Variants in COLEC10 observed in about 807,000 individuals in gnomAD.
The protein encoded by COLEC10 is collectin subfamily member 10.
A neutral mutation model predicts 28.4 loss-of-function variants in COLEC10; 22 were observed. The observed-to-expected ratio is 0.78, with a 90% CI of 0.55 to 1.11. COLEC10 has a LOEUF of 1.11. Among genes scored for constraint, COLEC10 ranks in the 50% least tolerant of loss-of-function variants. The pLI, the probability that COLEC10 is intolerant of heterozygous loss-of-function variation, is 0.00. For synonymous variants in COLEC10, 125 were observed against 116.1 expected, an observed-to-expected ratio of 1.08 and a Z score of -0.49; for missense variants, 361 against 344.1, an observed-to-expected ratio of 1.05 and a Z score of -0.39.
rs561786034 is a variant in COLEC10, at chr8:119,007,557, A to T, written n.123-1884A>T. ...TGGAAATGAGCTGCTTTTGGAAGTG[A>T]TGAATGATTTACAACTTGGGAGCCC... On this transcript the variant is annotated intron_variant and non_coding_transcript_variant, in intron 1 of 6. Coordinates refer to the COLEC10 transcript ENST00000521788. 5.9e-5 allele frequency among the ~76,000 whole-genome samples: 9 copies of T among 151,308 alleles called. No individual in the cohort carries two copies. In the South Asian group the frequency reaches 1.9e-3, roughly 31 times the overall value.
chr8:119,030,744 G>A (rs1204399300), intron 2 of COLEC10, among the ~76,000 whole-genome samples: 1 of 152,302 alleles, frequency 6.6e-6, no homozygotes, highest in Non-Finnish European at 1.5e-5. Flanking sequence ...TTAAGAAAAT[G>A]TGGTTCCATC....
intron 1 of COLEC10, among the ~76,000 whole-genome samples, chr8:119,075,931 C>T (rs1309153090): frequency 1.5e-5 from 2 of 134,516 alleles, no homozygotes; most frequent in African/African-American, 2.9e-5. Context: ...GACAGAGTCT[C>T]GCTCTGTCAC....
At chr8:119,063,246 G>A (rs755189742), upstream of COLEC10, 1 of 152,192 alleles carries the variant, frequency 6.6e-6, no homozygotes, top group Non-Finnish European at 1.5e-5. Flanking sequence ...AGTTACTGTG[G>A]ATGAAGAGCA....
At chr8:118,952,695 C>T in the COLEC10 span, among the ~76,000 whole-genome samples, 1 of 152,224 alleles carries the variant, frequency 6.6e-6, no homozygotes, top group African/African-American at 2.4e-5. Flanking sequence ...CCAACCCCAC[C>T]ATCATCAAAG....
chr8:119,018,647 G>A (rs1814035617), intron 2 of COLEC10, among the ~76,000 whole-genome samples: 1 of 152,162 alleles, frequency 6.6e-6, no homozygotes, highest in African/African-American at 2.4e-5. Flanking sequence ...AGGTTGATGT[G>A]TAATCAGATG....
chr8:119,087,449 AGT>A (rs1244721959), intron 1 of COLEC10, among the ~76,000 whole-genome samples: 1 of 152,194 alleles, frequency 6.6e-6, no homozygotes. Context: ...CTGGAAAAAA[AGT>A]GTAATTTTTG....
intron 3 of COLEC10, among the ~76,000 whole-genome samples, chr8:119,092,266 T>C (rs974219503): frequency 4.6e-5 from 7 of 151,992 alleles, no homozygotes; most frequent in Non-Finnish European, 8.8e-5. Context: ...AGACAGGGGT[T>C]TCTCTGTGCT....
At chr8:119,072,938 C>A (rs1440838696) in intron 1 of COLEC10, among the ~76,000 whole-genome samples, 1 of 152,154 alleles carries the variant, frequency 6.6e-6, no homozygotes, top group East Asian at 1.9e-4. Flanking sequence ...CAGCAATTGA[C>A]ACAACTTGAA....
the COLEC10 span, among the ~76,000 whole-genome samples, chr8:118,980,775 TG>T: frequency 6.6e-6 from 1 of 152,080 alleles, no homozygotes; most frequent in African/African-American, 2.4e-5. Flanking sequence ...GTTGACATAT[TG>T]ATTGTAGAAG....
At position 119,046,513 on chromosome 8, in the gene COLEC10, G is replaced by A. The variant is rs576779746; in HGVS notation, n.235+36960G>A. ...TACAGTAAATTGAAATTCTTGACAT[G>A]AATTTATCATCCAGATAAATATTGG... is the stretch of plus-strand genomic sequence containing the variant. On this transcript the variant is annotated intron_variant and non_coding_transcript_variant, in intron 2 of 6. Coordinates refer to the COLEC10 transcript ENST00000521788. 1.1e-4 allele frequency among the ~76,000 whole-genome samples: 16 copies of A among 152,214 alleles called. 1 individual carries two copies. The highest frequency in any genetic ancestry group is 3.9e-4 in the African/African-American group (16 of 41,546).
At chr8:119,091,530 G>C in intron 3 of COLEC10, among the ~76,000 whole-genome samples, 1 of 151,364 alleles carries the variant, frequency 6.6e-6, no homozygotes, top group East Asian at 1.9e-4. Flanking sequence ...AATCCAGCCT[G>C]GGTGACACAG....
intron 2 of COLEC10, among the ~76,000 whole-genome samples, chr8:119,010,811 T>C: frequency 6.6e-6 from 1 of 151,112 alleles, no homozygotes; most frequent in East Asian, 1.9e-4. Context: ...TAGTGAGGTG[T>C]CTGTTAATGT....
chr8:119,017,256 T>G (rs2063561170), intron 2 of COLEC10, among the ~76,000 whole-genome samples: 1 of 152,196 alleles, frequency 6.6e-6, no homozygotes, highest in African/African-American at 2.4e-5. Context: ...ACTGTGAGCT[T>G]AACCACTACA....
intron 2 of COLEC10, among the ~76,000 whole-genome samples, chr8:119,028,714 T>C (rs946201961): frequency 6.6e-6 from 1 of 152,150 alleles, no homozygotes; most frequent in Non-Finnish European, 1.5e-5. Flanking sequence ...ATTATATGTT[T>C]TCTAAAATGA....
rs533527298 is a variant in COLEC10 at position 119,035,479 on chromosome 8, T to C, written n.235+25926T>C. Reference sequence around the variant, plus strand: ...GATGCTAATTTCCAGTGAAAAACCTTGGAAGGATGCCAATAAATTCTGGGA... The same window carrying C: ...GATGCTAATTTCCAGTGAAAAACCTCGGAAGGATGCCAATAAATTCTGGGA... On this transcript the variant is annotated intron_variant and non_coding_transcript_variant, in intron 2 of 6. Coordinates refer to the COLEC10 transcript ENST00000521788. Among the ~76,000 whole-genome samples, 38 of 152,324 alleles carry C rather than the reference T, an allele frequency of 2.5e-4. 1 individual carries two copies. Among genetic ancestry groups the C allele is most frequent in the African/African-American group, 9.1e-4 (38 of 41,562 alleles).
At chr8:118,961,960 A>G in the COLEC10 span, among the ~76,000 whole-genome samples, 2 of 152,160 alleles carry the variant, frequency 1.3e-5, no homozygotes, top group Admixed American at 1.3e-4. Context: ...AGCTGAGCTC[A>G]TGTTCTCCAA....
At chr8:118,958,267 C>T in the COLEC10 span, among the ~76,000 whole-genome samples, 2 of 152,092 alleles carry the variant, frequency 1.3e-5, no homozygotes, top group African/African-American at 2.4e-5. Flanking sequence ...ATTAGGGGGG[C>T]GAGAGCAGTG....
At chr8:119,021,482 T>C (rs549515195) in intron 2 of COLEC10, among the ~76,000 whole-genome samples, 1 of 152,282 alleles carries the variant, frequency 6.6e-6, no homozygotes, top group South Asian at 2.1e-4. Flanking sequence ...CAGTAGGAGC[T>C]GGCAGGAATT....
the COLEC10 span, among the ~76,000 whole-genome samples, chr8:118,985,760 A>G: frequency 6.6e-6 from 1 of 152,182 alleles, no homozygotes; most frequent in East Asian, 1.9e-4. Context: ...AGGAAGAGAA[A>G]CCTAGAGTCA....
Sources: gnomAD v4.1 joint callset for allele counts (sites outside exome capture counted in the v4.1 genomes callset) on GRCh38, gnomAD v4.1.1 for gene constraint, MANE v1.5 for transcripts, NCBI Gene and HGNC (gene_info 2026-07-23, HGNC 2026-07-21) for gene names.